Variants in EDA observed in about 807,000 individuals in gnomAD.
EDA encodes ectodysplasin A, also known as ectodysplasin-A.
EDA carries 2 observed loss-of-function variants against 23.6 expected under a neutral mutation model. That is an observed-to-expected ratio of 0.08 (90% CI 0.03 to 0.27). The LOEUF (loss-of-function observed/expected upper bound fraction) is 0.27, where lower values mean the gene tolerates loss of function less well. Ranked by LOEUF, EDA falls within the 10% of genes least tolerant of loss-of-function variation. EDA has a pLI of 1.00. For synonymous variants in EDA, 131 were observed against 132.0 expected (o/e 0.99, Z 0.05); for missense variants, 229 against 324.2 (o/e 0.71, Z 2.26).
At chrX:69,866,446 C>T (rs2017487265) in intron 1 of EDA, among the ~76,000 whole-genome samples, 1 of 111,129 alleles carries the variant, frequency 9.0e-6, no homozygotes, top group Non-Finnish European at 1.9e-5. Flanking sequence ...ATTGTTATGT[C>T]TCCTGGTGGC....
intron 1 of EDA, among the ~76,000 whole-genome samples, chrX:69,751,761 C>T (rs1416980549): frequency 9.0e-6 from 1 of 110,990 alleles, no homozygotes; most frequent in Non-Finnish European, 1.9e-5. Context: ...AAGTCGGATT[C>T]CTAGGTATTT....
At chrX:69,684,151 A>C (rs1243454867) in intron 1 of EDA, among the ~76,000 whole-genome samples, 1 of 112,246 alleles carries the variant, frequency 8.9e-6, no homozygotes, top group Non-Finnish European at 1.9e-5. Context: ...CTCGCTTATA[A>C]TTTATTTACT....
At chrX:69,911,860 C>T (rs1324666169) in intron 1 of EDA, among the ~76,000 whole-genome samples, 1 of 112,293 alleles carries the variant, frequency 8.9e-6, no homozygotes, top group East Asian at 2.8e-4. Flanking sequence ...GCTGACTGCT[C>T]GGGGCAGTGG....
rs897762965 is a variant in EDA, at chrX:70,035,411, G to C, written c.978G>C (p.Glu326Asp). Reference sequence around the variant, plus strand: ...CCAGCTATGAGGTGGTGGTGGATGAGAAGCCCTTCCTGCAGTGCACACGCA... The same window carrying C: ...CCAGCTATGAGGTGGTGGTGGATGACAAGCCCTTCCTGCAGTGCACACGCA... Reference protein sequence around the residue: ...DFASYEVVVDEKPFLQCTRSI... With the variant: ...DFASYEVVVDDKPFLQCTRSI... Residue 326 changes from glutamate to aspartate, a missense_variant, in exon 8 of 8, where the codon GAG becomes GAC. Glu to Asp is a conservative substitution (Grantham distance 45). Around this residue, in one of 2 missense-constraint regions of EDA, gnomAD observed 175 missense variants for 281.8 expected, o/e 0.62. Transcript: ENST00000374552. The C allele has an allele frequency of 5.8e-6, 7 of 1,210,017 alleles. No homozygotes were observed. Among genetic ancestry groups the C allele is most frequent in the Non-Finnish European group, 7.8e-6 (7 of 894,830 alleles).
intron 2 of EDA, among the ~76,000 whole-genome samples, chrX:69,966,229 T>G (rs2019170446): frequency 9.0e-6 from 1 of 111,217 alleles, no homozygotes; most frequent in Non-Finnish European, 1.9e-5. Flanking sequence ...TCTGGTAAAG[T>G]TAAACATTAG....
intron 2 of EDA, among the ~76,000 whole-genome samples, chrX:69,966,573 CAAAA>C (rs751957411): frequency 2.3e-5 from 1 of 44,106 alleles, no homozygotes; most frequent in African/African-American, 6.6e-5. Context: ...GACTCCATCT[CAAAA>C]AAAAAAAAAA....
At chrX:69,795,354 T>C (rs1211225523) in intron 1 of EDA, among the ~76,000 whole-genome samples, 1 of 112,611 alleles carries the variant, frequency 8.9e-6, no homozygotes, top group Non-Finnish European at 1.9e-5. Context: ...TTTTCTGTTC[T>C]TAGAACTTTT....
In EDA at chrX:69,616,113, C is replaced by A; in HGVS notation, c.-196C>A. 2.6e-6 allele frequency: 1 copy of A among 378,895 alleles called. No homozygotes were observed. The allele number at this position is 378,895 out of a possible 1,213,427, so 31.2% of individuals were successfully genotyped here. On this transcript the variant is annotated 5_prime_UTR_variant, in exon 1 of 8. Transcript: ENST00000374552. ...TCCCCTCTCTCCCGCCCCTCCTCCT[C>A]CCTTTCCCACCCCTCGGAGTAGAGC...
At chrX:69,881,403 A>G (rs1188828139) in intron 1 of EDA, among the ~76,000 whole-genome samples, 1 of 111,133 alleles carries the variant, frequency 9.0e-6, no homozygotes, top group Admixed American at 9.6e-5. Flanking sequence ...TGGCACTTCA[A>G]GGTGGTCCCA....
chrX:70,024,228 C>T (rs1165412303), intron 3 of EDA, among the ~76,000 whole-genome samples: 2 of 112,404 alleles, frequency 1.8e-5, no homozygotes, highest in East Asian at 2.8e-4. Context: ...CCGGACTAGG[C>T]CAAAAAGACT....
chrX:69,758,785 G>A (rs1399573229), intron 1 of EDA, among the ~76,000 whole-genome samples: 1 of 111,591 alleles, frequency 9.0e-6, no homozygotes, highest in East Asian at 2.8e-4. Flanking sequence ...GCGGTGAGCC[G>A]AGATCGCACC....
At chrX:69,868,708 A>C in intron 1 of EDA, among the ~76,000 whole-genome samples, 1 of 112,503 alleles carries the variant, frequency 8.9e-6, no homozygotes, top group South Asian at 3.7e-4. Context: ...GAGGTAGGAT[A>C]GTAAAGTATA....
intron 2 of EDA, among the ~76,000 whole-genome samples, chrX:69,980,025 A>G (rs2019381477): frequency 9.0e-6 from 1 of 111,346 alleles, no homozygotes; most frequent in African/African-American, 3.3e-5. Flanking sequence ...AACTTAGAAA[A>G]GGCCAGGGTA....
chrX:69,787,876 C>T (rs1367269826), intron 1 of EDA, among the ~76,000 whole-genome samples: 2 of 111,684 alleles, frequency 1.8e-5, no homozygotes, highest in African/African-American at 6.5e-5. Flanking sequence ...GGATAATATC[C>T]TGCAGAGTGT....
intron 2 of EDA, among the ~76,000 whole-genome samples, chrX:70,020,286 A>G (rs59020817): frequency 0.52 from 57,522 of 110,882 alleles, 11,356 homozygotes; most frequent in African/African-American, 0.68. Flanking sequence ...GGCCGGGTGC[A>G]GTGGCTCACG....
Position 69,848,077 on chromosome X carries a change from A to G in EDA, c.397-108950A>G, listed in dbSNP as rs374693564. ...AGTGTTATAGTGATTTTAATTTTAC[A>G]TTTTCCTAATGGCTAATTGTATGGA... On this transcript the variant is annotated intron_variant, in intron 1 of 7. Transcript: ENST00000374552. Among the ~76,000 whole-genome samples, 35 of 111,416 alleles carry G rather than the reference A, an allele frequency of 3.1e-4. No homozygotes were observed. The East Asian group carries it at 6.2e-3, about 20-fold the overall frequency.
intron 1 of EDA, among the ~76,000 whole-genome samples, chrX:69,651,843 G>A (rs993058388): frequency 1.8e-5 from 2 of 110,574 alleles, no homozygotes; most frequent in Non-Finnish European, 3.8e-5. Flanking sequence ...GCCTTTGAGA[G>A]GGACAGGAGC....
chrX:69,741,153 G>A (rs1043111437), intron 1 of EDA, among the ~76,000 whole-genome samples: 1 of 110,232 alleles, frequency 9.1e-6, no homozygotes, highest in East Asian at 2.8e-4. Flanking sequence ...TATAATACTT[G>A]CCTTGAAGAC....
intron 2 of EDA, among the ~76,000 whole-genome samples, chrX:70,015,291 G>A (rs945153195): frequency 5.4e-5 from 6 of 111,932 alleles, no homozygotes; most frequent in African/African-American, 1.3e-4. Context: ...AAGAAACTCC[G>A]GCCAGGCACA....
Sources: allele counts gnomAD v4.1 joint callset (sites outside exome capture counted in the v4.1 genomes callset), GRCh38; gene constraint gnomAD v4.1.1; regional missense constraint gnomAD v4.1.1; transcripts MANE v1.5; gene names NCBI Gene and HGNC (gene_info 2026-07-23, HGNC 2026-07-21).